VPS13B: variants seen among roughly 807,000 people sequenced by gnomAD.
VPS13B encodes the protein vacuolar protein sorting 13 homolog B, also known as intermembrane lipid transfer protein VPS13B.
VPS13B carries 285 observed loss-of-function variants against 426.4 expected under a neutral mutation model. The ratio of observed to expected loss-of-function variants is 0.67; its 90% CI spans 0.61 to 0.74. The LOEUF (loss-of-function observed/expected upper bound fraction) is 0.74, where lower values mean the gene tolerates loss of function less well. Ranked by LOEUF, VPS13B falls within the 30% of genes least tolerant of loss-of-function variation. The pLI, the probability that VPS13B is intolerant of heterozygous loss-of-function variation, is 0.00. For missense variants in VPS13B, 4,537 were observed against 4,782.6 expected (o/e 0.95, Z 1.51); for synonymous variants, 1,676 against 1,676.4 (o/e 1.00, Z 0.01).
At chr8:99,189,665 ATTG>A (rs753636785) in intron 16 of VPS13B, among the ~76,000 whole-genome samples, 1 of 151,748 alleles carries the variant, frequency 6.6e-6, no homozygotes, top group Non-Finnish European at 1.5e-5. Context: ...CTTTTCTAAT[ATTG>A]TTTTATAATT....
intron 17 of VPS13B, among the ~76,000 whole-genome samples, chr8:99,242,790 T>C (rs1817003927): frequency 6.6e-6 from 1 of 152,204 alleles, no homozygotes; most frequent in African/African-American, 2.4e-5. Flanking sequence ...TAATTATTAT[T>C]TTTATTGATA....
At chr8:99,462,940 T>C (rs911262101) in intron 23 of VPS13B, among the ~76,000 whole-genome samples, 1 of 152,182 alleles carries the variant, frequency 6.6e-6, no homozygotes, top group Non-Finnish European at 1.5e-5. Context: ...CTCCCAGAGC[T>C]CTTAGAGATG....
chr8:99,528,703 T>C (rs1822774948), intron 30 of VPS13B, among the ~76,000 whole-genome samples: 1 of 152,250 alleles, frequency 6.6e-6, no homozygotes, highest in African/African-American at 2.4e-5. Context: ...CGAAAATTAC[T>C]GTAAGAAGCA....
intron 19 of VPS13B, among the ~76,000 whole-genome samples, chr8:99,327,259 T>C (rs1810326618): frequency 6.6e-6 from 1 of 152,186 alleles, no homozygotes; most frequent in Non-Finnish European, 1.5e-5. Flanking sequence ...CCCAATTCAA[T>C]TTAAATTTTG....
chr8:99,115,944 T>G, intron 7 of VPS13B, 70 bp downstream of exon 7: 1 of 1,499,508 alleles, frequency 6.7e-7, no homozygotes, highest in Non-Finnish European at 9.2e-7. Flanking sequence ...TTGGGAAACT[T>G]TAAAAAATGT....
chr8:99,200,989 C>T lies in VPS13B; in HGVS notation c.2515+7932C>T, dbSNP rs565316160. Among the ~76,000 whole-genome samples, 4 of 151,640 alleles carry T rather than the reference C, an allele frequency of 2.6e-5. No individual in the cohort carries two copies. In the South Asian group the frequency reaches 8.3e-4, roughly 32 times the overall value. On this transcript the variant is annotated intron_variant, in intron 17 of 61. Transcript: ENST00000357162. ...TTGGTCATCATCATTACTTTTAGTC[C>T]TTTTATTTTTTTCATTTTTTTTAAT...
rs370004663 is a variant in VPS13B, at chr8:99,699,131, CTTTTT to C, written c.6047-374_6047-370del. Among the ~76,000 whole-genome samples, 114 of 90,558 alleles carry C rather than the reference CTTTTT, an allele frequency of 1.3e-3. 1 individual carries two copies. Among genetic ancestry groups the C allele is most frequent in the African/African-American group, 4.0e-3 (102 of 25,256 alleles). The allele number at this position is 90,558 out of a possible 152,430, so 59.4% of individuals were successfully genotyped here. On this transcript the variant is annotated intron_variant, in intron 35 of 61. Transcript: ENST00000357162. ...CATGGTTCTGGGTAGTAAGGAAAGT[CTTTTT>C]TTTTTTTTTTTTTTTTTTTGAAGAA...
At chr8:99,813,421 G>T (rs1432411495) in intron 44 of VPS13B, among the ~76,000 whole-genome samples, 2 of 152,172 alleles carry the variant, frequency 1.3e-5, no homozygotes, top group African/African-American at 4.8e-5. Context: ...TGCATATATT[G>T]CCAGGCTTGG....
intron 19 of VPS13B, chr8:99,340,280 T>A (rs1345229197): frequency 8.3e-6 from 2 of 239,722 alleles, no homozygotes; most frequent in African/African-American, 2.3e-5. Flanking sequence ...GATGGAGGAG[T>A]TGTTGTTACA....
At chr8:99,351,934 A>G (rs1026704095) in intron 19 of VPS13B, among the ~76,000 whole-genome samples, 2 of 152,174 alleles carry the variant, frequency 1.3e-5, no homozygotes, top group African/African-American at 4.8e-5. Context: ...CATATATATT[A>G]TTAATAAATC....
At chr8:99,674,815 G>T (rs1267170761) in intron 35 of VPS13B, among the ~76,000 whole-genome samples, 2 of 151,860 alleles carry the variant, frequency 1.3e-5, no homozygotes, top group Non-Finnish European at 2.9e-5. Flanking sequence ...ATTTATCTTT[G>T]ATCATGTACA....
At chr8:99,582,804 C>T (rs998191232) in intron 33 of VPS13B, among the ~76,000 whole-genome samples, 31 of 152,038 alleles carry the variant, frequency 2.0e-4, no homozygotes, top group Non-Finnish European at 3.1e-4. Flanking sequence ...TAGAGGCGCC[C>T]GCCACCACGC....
chr8:99,296,639 A>G (rs1820057145), intron 19 of VPS13B, among the ~76,000 whole-genome samples: 1 of 152,198 alleles, frequency 6.6e-6, no homozygotes, highest in South Asian at 2.1e-4. Context: ...CCTATGTTAA[A>G]ACTTAATCAC....
chr8:99,281,238 G>C (rs532097011), intron 19 of VPS13B, among the ~76,000 whole-genome samples: 3 of 152,336 alleles, frequency 2.0e-5, no homozygotes, highest in Admixed American at 6.5e-5. Context: ...AGTAATTCTT[G>C]CTTGCCTGCC....
rs370235149 is a variant in VPS13B at position 99,832,341 on chromosome 8, A to ATTTTT, written c.9331-7_9331-3dup. On this transcript the variant is annotated intron_variant, in intron 51 of 61. Coordinates refer to ENST00000357162, the MANE Select transcript of VPS13B (RefSeq NM_152564.5). ...TTACTGTAGCTAATGTGCTCTCTGC[A>ATTTTT]TTTTTTTTTTTTTTTTTTTTTTTTT... 3.2e-3 allele frequency: 3,841 copies of ATTTTT among 1,188,796 alleles called. 65 individuals are homozygous for ATTTTT. Among genetic ancestry groups the ATTTTT allele is most frequent in the Admixed American group, 0.011 (293 of 27,384 alleles). 73.6% of individuals were successfully genotyped at this position (1,188,796 alleles called of 1,614,324 possible). A position where few individuals can be genotyped will look rare whatever the true frequency, so the allele number is the denominator to read the frequency against.
chr8:99,077,313 C>G (rs565067592), intron 3 of VPS13B, among the ~76,000 whole-genome samples: 1 of 152,090 alleles, frequency 6.6e-6, no homozygotes, highest in Non-Finnish European at 1.5e-5. Flanking sequence ...ACTGGGATTA[C>G]AGGAACGTGC....
At chr8:99,288,513 A>G (rs1454897192) in intron 19 of VPS13B, among the ~76,000 whole-genome samples, 1 of 152,004 alleles carries the variant, frequency 6.6e-6, no homozygotes, top group Non-Finnish European at 1.5e-5. Context: ...TTTAAAGAAT[A>G]TATATACCCT....
At chr8:99,094,444 A>C (rs1846322099) in intron 3 of VPS13B, among the ~76,000 whole-genome samples, 1 of 152,184 alleles carries the variant, frequency 6.6e-6, no homozygotes, top group Admixed American at 6.5e-5. Context: ...TGTCTTTATG[A>C]ATATTGAATA....
chr8:99,752,489 T>C (rs1036273318), intron 39 of VPS13B, among the ~76,000 whole-genome samples: 1 of 152,170 alleles, frequency 6.6e-6, no homozygotes, highest in Non-Finnish European at 1.5e-5. Flanking sequence ...AGTCAAGTAG[T>C]TGTAGAGTCA....
Sources: gnomAD v4.1 joint callset for allele counts (sites outside exome capture counted in the v4.1 genomes callset) on GRCh38, gnomAD v4.1.1 for gene constraint, MANE v1.5 for transcripts, NCBI Gene and HGNC (gene_info 2026-07-23, HGNC 2026-07-21) for gene names.